The following PXK variants were observed in gnomAD, a reference collection of about 807,000 sequenced individuals.
PXK encodes the protein PX domain containing serine/threonine kinase like, also known as PX domain-containing protein kinase-like protein.
PXK carries 35 observed loss-of-function variants against 84.7 expected under a neutral mutation model. The ratio of observed to expected loss-of-function variants is 0.41; its 90% CI spans 0.32 to 0.55. The LOEUF (loss-of-function observed/expected upper bound fraction) is 0.55, where lower values mean the gene tolerates loss of function less well. PXK is among the 20% of genes least tolerant of loss of function. The probability of loss-of-function intolerance (pLI) is 0.21; values close to 1 mark genes in which losing one functional copy is unlikely to be tolerated. For missense variants in PXK, 634 were observed against 699.7 expected (o/e 0.91, Z 1.06); for synonymous variants, 253 against 260.8 (o/e 0.97, Z 0.29).
At chr3:58,410,478 T>G (rs2060036050) in intron 16 of PXK, among the ~76,000 whole-genome samples, 1 of 152,202 alleles carries the variant, frequency 6.6e-6, no homozygotes, top group South Asian at 2.1e-4. Flanking sequence ...GGCCTCCTGT[T>G]TTTTAGTAGA....
chr3:58,378,868 A>G (rs1448010920), intron 3 of PXK, among the ~76,000 whole-genome samples: 1 of 151,404 alleles, frequency 6.6e-6, no homozygotes, highest in Non-Finnish European at 1.5e-5. Context: ...ATGTAGACAT[A>G]ACTAGTCTGA....
rs1417354228 is a variant in PXK at position 58,397,722 on chromosome 3, G to T, written c.1102G>T (p.Val368Leu). The T allele has an allele frequency of 6.2e-7, 1 of 1,609,968 alleles. No homozygotes were observed. The highest frequency in any genetic ancestry group is 1.7e-5 in the Admixed American group (1 of 59,984). The change falls in exon 11 of 18, where the codon GTG (valine) becomes TTG (leucine). Residue 368 changes from valine (V) to leucine (L), a missense_variant and splice_region_variant. By Grantham distance (32) the Val-to-Leu change is conservative. Coordinates refer to ENST00000356151, the MANE Select transcript of PXK (RefSeq NM_017771.5). The surrounding 1 kb of genome is among the most constrained non-coding windows in gnomAD (Gnocchi z 4.7). ...SFPPAPSMAV[V>L]AVLESTLSCE... Reference sequence around the variant, plus strand: ...CCCTCCTGCCCCGTCCATGGCTGTGGGTCAGTATGGGGTTGGGAAGGGTCT... The same window carrying T: ...CCCTCCTGCCCCGTCCATGGCTGTGTGTCAGTATGGGGTTGGGAAGGGTCT...
At chr3:58,354,431 T>C (rs2098019820) in intron 1 of PXK, among the ~76,000 whole-genome samples, 1 of 150,942 alleles carries the variant, frequency 6.6e-6, no homozygotes, top group African/African-American at 2.4e-5. Flanking sequence ...ATTTTTGTGG[T>C]GTGGAGCTGC....
chr3:58,333,095 G>C lies in PXK; in HGVS notation c.102+5G>C. ...CAGAGCCTGCAGTCCCACACGGTGCGCGGCCCAGCGGGCGGGCGGGCGGCG... is the reference window on the plus strand; with the variant it reads ...CAGAGCCTGCAGTCCCACACGGTGCCCGGCCCAGCGGGCGGGCGGGCGGCG... On this transcript the variant is annotated splice_donor_5th_base_variant and intron_variant, in intron 1 of 17. Coordinates refer to ENST00000356151, the MANE Select transcript of PXK (RefSeq NM_017771.5). This position sits in a 1 kb window ranked among gnomAD's most constrained non-coding sequence, Gnocchi z 5.4. 2 of 1,180,186 alleles carry C rather than the reference G, an allele frequency of 1.7e-6. No homozygotes were observed. The highest frequency in any genetic ancestry group is 2.1e-6 in the Non-Finnish European group (2 of 947,630). The allele number at this position is 1,180,186 out of a possible 1,614,324, so 73.1% of individuals were successfully genotyped here. A position where few individuals can be genotyped will look rare whatever the true frequency, so the allele number is the denominator to read the frequency against.
chr3:58,348,990 A>G (rs1389568446), intron 1 of PXK, among the ~76,000 whole-genome samples: 1 of 152,166 alleles, frequency 6.6e-6, no homozygotes, highest in Non-Finnish European at 1.5e-5. Flanking sequence ...TTACAATTAC[A>G]GCATATCTCA....
rs1576352317 is a variant in PXK, at chr3:58,382,516, T to G, written c.204T>G (p.Ile68Met). The G allele has an allele frequency of 1.3e-6, 2 of 1,536,142 alleles. No individual in the cohort carries two copies. The highest frequency in any genetic ancestry group is 2.4e-5 in the East Asian group (1 of 42,498). Residue 68 changes from isoleucine to methionine, a missense_variant and splice_region_variant, in exon 4 of 18, where the codon ATT (isoleucine) becomes ATG (methionine). Around this residue, in one of 3 missense-constraint regions of PXK, gnomAD observed 353 missense variants for 385.2 expected, o/e 0.92. Coordinates refer to ENST00000356151, the MANE Select transcript of PXK (RefSeq NM_017771.5). ...DFDLLNNSLQIAGLSLPLPPK... is the reference protein window; with the variant it reads ...DFDLLNNSLQMAGLSLPLPPK... ...ACTTTTTTTTTTTTTTTTTAAAGAT[T>G]GCAGGCCTAAGTCTACCTCTTCCTC...
intron 4 of PXK, among the ~76,000 whole-genome samples, chr3:58,388,316 A>G (rs1382740849): frequency 2.0e-5 from 3 of 152,238 alleles, no homozygotes; most frequent in African/African-American, 4.8e-5. Context: ...TGTATGGCAC[A>G]TAGTAGCATA....
intron 17 of PXK, among the ~76,000 whole-genome samples, chr3:58,415,653 G>T (rs2060848176): frequency 6.6e-6 from 1 of 152,160 alleles, no homozygotes; most frequent in Non-Finnish European, 1.5e-5. Context: ...CCCAATTTTG[G>T]TCTGCTCACC....
At chr3:58,373,303 C>T (rs1301418532) in intron 3 of PXK, among the ~76,000 whole-genome samples, 3 of 152,114 alleles carry the variant, frequency 2.0e-5, no homozygotes, top group African/African-American at 7.2e-5. Flanking sequence ...TGGTGATCTC[C>T]TGACCTCGTG....
chr3:58,397,679 G>A lies in PXK; in HGVS notation c.1059G>A (p.Ser353=), dbSNP rs1374032291. ...YEMTYGRPPD[S]VPVDSFPPAP... Reference sequence around the variant, plus strand: ...TGACTTATGGACGACCGCCAGACTCGGTGCCTGTGGACTCCTTCCCTCCTG... The same window carrying A: ...TGACTTATGGACGACCGCCAGACTCAGTGCCTGTGGACTCCTTCCCTCCTG... Residue 353 remains serine (S), a synonymous_variant, in exon 11 of 18, where the codon TCG becomes TCA. Coordinates refer to ENST00000356151, the MANE Select transcript of PXK (RefSeq NM_017771.5). This position sits in a 1 kb window ranked among gnomAD's most constrained non-coding sequence, Gnocchi z 4.7. The A allele has an allele frequency of 3.7e-6, 6 of 1,614,042 alleles. No homozygotes were observed. The East Asian group carries it at 6.7e-5, about 18-fold the overall frequency.
chr3:58,334,055 G>GGCTT (rs1051339481), intron 1 of PXK, among the ~76,000 whole-genome samples: 1 of 152,134 alleles, frequency 6.6e-6, no homozygotes, highest in African/African-American at 2.4e-5. Context: ...CAGACTCAGA[G>GGCTT]GCTTGTTTGT....
intron 1 of PXK, among the ~76,000 whole-genome samples, chr3:58,348,363 C>T (rs1437857964): frequency 6.6e-6 from 1 of 152,164 alleles, no homozygotes; most frequent in African/African-American, 2.4e-5. Flanking sequence ...ACCACAGAAC[C>T]AGACAATGAT....
chr3:58,351,705 A>T (rs912156627), intron 1 of PXK, among the ~76,000 whole-genome samples: 3 of 152,166 alleles, frequency 2.0e-5, no homozygotes, highest in African/African-American at 7.2e-5. Context: ...AAAAATAGCC[A>T]AAAGTGGGCA....
At position 58,333,658 on chromosome 3, in the gene PXK, GGGGGCGGCAGTC is replaced by G; in HGVS notation, c.102+575_102+586del. ...CTTGGCCCTGGTCCCGGGAAGTGGT[GGGGGCGGCAGTC>G]GGGGCGCTGTTAAGCAGGTGTATGA... is the stretch of plus-strand genomic sequence containing the variant. On this transcript the variant is annotated intron_variant, in intron 1 of 17. Transcript: ENST00000356151. The surrounding 1 kb of genome is among the most constrained non-coding windows in gnomAD (Gnocchi z 5.4). 1 of 456,630 alleles carries G rather than the reference GGGGGCGGCAGTC, an allele frequency of 2.2e-6. No homozygotes were observed. The highest frequency in any genetic ancestry group is 4.4e-6 in the Non-Finnish European group (1 of 226,930). 28.3% of individuals were successfully genotyped at this position (456,630 alleles called of 1,614,324 possible). A position where few individuals can be genotyped will look rare whatever the true frequency, so the allele number is the denominator to read the frequency against.
At chr3:58,337,117 C>T (rs1327432375) in intron 1 of PXK, among the ~76,000 whole-genome samples, 1 of 152,086 alleles carries the variant, frequency 6.6e-6, no homozygotes, top group Non-Finnish European at 1.5e-5. Context: ...GCAGTTTTCT[C>T]CTTTTTAAAT....
chr3:58,346,354 AGT>A (rs2097819289), intron 1 of PXK, among the ~76,000 whole-genome samples: 1 of 152,156 alleles, frequency 6.6e-6, no homozygotes, highest in African/African-American at 2.4e-5. Flanking sequence ...CTAATGGAAC[AGT>A]GAAGTTAGAG....
chr3:58,338,312 G>A (rs1185089646), intron 1 of PXK, among the ~76,000 whole-genome samples: 7 of 127,700 alleles, frequency 5.5e-5, no homozygotes, highest in East Asian at 2.3e-4. Context: ...TGCACTCTCC[G>A]TCTCAAAAAA....
intron 1 of PXK, among the ~76,000 whole-genome samples, chr3:58,339,763 T>C (rs571741757): frequency 6.6e-5 from 10 of 152,136 alleles, no homozygotes; most frequent in Non-Finnish European, 1.3e-4. Context: ...GAGCCACCCA[T>C]GGGTACTTAG....
At chr3:58,339,382 AC>A (rs2097688186) in intron 1 of PXK, among the ~76,000 whole-genome samples, 1 of 151,670 alleles carries the variant, frequency 6.6e-6, no homozygotes, top group African/African-American at 2.4e-5. Context: ...GGCGCCACGT[AC>A]CATGCTCGGC....
Sources: gnomAD v4.1 joint callset for allele counts (sites outside exome capture counted in the v4.1 genomes callset) on GRCh38, gnomAD v4.1.1 for gene constraint, gnomAD v4.1.1 regional missense constraint, Gnocchi (gnomAD v3.1) non-coding constraint, MANE v1.5 for transcripts, NCBI Gene and HGNC (gene_info 2026-07-23, HGNC 2026-07-21) for gene names.